SLC12A9: variants seen among roughly 807,000 people sequenced by gnomAD.
The protein encoded by SLC12A9 is solute carrier family 12 member 9.
In SLC12A9, 55 loss-of-function variants were observed where a neutral mutation model predicts 66.0. The ratio of observed to expected loss-of-function variants is 0.83; its 90% CI spans 0.67 to 1.04. SLC12A9 has a LOEUF of 1.04. Among genes scored for constraint, SLC12A9 ranks in the 50% least tolerant of loss-of-function variants. SLC12A9 has a pLI of 0.00. For missense variants in SLC12A9, 1,061 were observed against 1,241.9 expected (o/e 0.85, Z 2.19); for synonymous variants, 577 against 569.0 (o/e 1.01, Z -0.20).
At chr7:100,832,994 TTGAA>T (rs1813571789) in intron 1 of SLC12A9, among the ~76,000 whole-genome samples, 3 of 152,184 alleles carry the variant, frequency 2.0e-5, no homozygotes, top group Non-Finnish European at 4.4e-5. Flanking sequence ...CAGGCTGGTC[TTGAA>T]CTCTTGAGCT....
chr7:100,865,495 G>A (rs1562998077), intron 13 of SLC12A9: 9 of 1,531,882 alleles, frequency 5.9e-6, no homozygotes, highest in Admixed American at 2.0e-5. Flanking sequence ...TTTAAGTGGA[G>A]GAGATTAGTC....
At chr7:100,860,368 G>C (rs1814672519) in intron 9 of SLC12A9, 136 bp downstream of exon 9, 1 of 864,770 alleles carries the variant, frequency 1.2e-6, no homozygotes, top group Non-Finnish European at 1.8e-6. Context: ...ACTCTGCAGG[G>C]TTCACTGGCA....
intron 1 of SLC12A9, among the ~76,000 whole-genome samples, chr7:100,845,214 C>T (rs115173738): frequency 0.016 from 2,487 of 150,732 alleles, 72 homozygotes; most frequent in African/African-American, 0.058. Context: ...AGTTGCGGAC[C>T]GTTTAGGCCC....
At chr7:100,850,916 C>T (rs1047216931), upstream of SLC12A9, among the ~76,000 whole-genome samples, 5 of 151,992 alleles carry the variant, frequency 3.3e-5, no homozygotes, top group Admixed American at 2.0e-4. Context: ...GATGGGGTAT[C>T]ACCATGTTGG....
chr7:100,830,836 T>C (rs1813530268), intron 1 of SLC12A9, among the ~76,000 whole-genome samples: 1 of 152,044 alleles, frequency 6.6e-6, no homozygotes, highest in African/African-American at 2.4e-5. Flanking sequence ...TCACTTCAAT[T>C]CTCAGGAACC....
intron 1 of SLC12A9, among the ~76,000 whole-genome samples, chr7:100,830,653 A>G (rs1040136548): frequency 1.3e-5 from 2 of 151,984 alleles, no homozygotes; most frequent in Non-Finnish European, 2.9e-5. Flanking sequence ...CTGAGCATCT[A>G]CTACGTGCCG....
chr7:100,845,188 T>C (rs1813881613), intron 1 of SLC12A9, among the ~76,000 whole-genome samples: 1 of 150,860 alleles, frequency 6.6e-6, no homozygotes, highest in Admixed American at 6.7e-5. Context: ...GAAAAATCCA[T>C]TCACTAAATT....
intron 1 of SLC12A9, among the ~76,000 whole-genome samples, chr7:100,844,588 T>G (rs1041866247): frequency 6.6e-6 from 1 of 151,996 alleles, no homozygotes; most frequent in Non-Finnish European, 1.5e-5. Context: ...TAAATACTGG[T>G]CTTGTGTCAT....
At chr7:100,858,123 AT>A (rs1814507493) in intron 5 of SLC12A9, 1 of 151,900 alleles carries the variant, frequency 6.6e-6, no homozygotes, top group Admixed American at 6.6e-5. Context: ...TCTCAAAAAA[AT>A]AAATAGGCTG....
chr7:100,828,694 GGGCTGC>G (rs1315852501), intron 1 of SLC12A9, among the ~76,000 whole-genome samples: 1 of 152,136 alleles, frequency 6.6e-6, no homozygotes, highest in Non-Finnish European at 1.5e-5. Context: ...CCTGAGGCTG[GGGCTGC>G]GGCTGCGGCT....
At chr7:100,864,658 C>T (rs1027424430) in intron 13 of SLC12A9, among the ~76,000 whole-genome samples, 11 of 152,176 alleles carry the variant, frequency 7.2e-5, no homozygotes, top group Middle Eastern at 3.2e-3. Flanking sequence ...TGGCCTCTCA[C>T]GCTGGATGGA....
rs779923161 is a variant in SLC12A9, at chr7:100,866,367, G to A, written c.2507G>A (p.Ser836Asn). The A allele has an allele frequency of 2.0e-6, 3 of 1,515,860 alleles. No homozygotes were observed. The South Asian group carries it at 3.8e-5, about 19-fold the overall frequency. The allele number at this position is 1,515,860 out of a possible 1,614,324, so 93.9% of individuals were successfully genotyped here. Residue 836 changes from serine (S) to asparagine (N), a missense_variant, in exon 14 of 14, where the codon AGC becomes AAC. By Grantham distance (46) the Ser-to-Asn change is conservative. Coordinates refer to ENST00000354161, the MANE Select transcript of SLC12A9 (RefSeq NM_020246.4). This position sits in a 1 kb window ranked among gnomAD's most constrained non-coding sequence, Gnocchi z 7.3. ...GCAGAGGCAGAGGCCCTGGCACGCA[G>A]CGCCAACGCCCTGGTTCGGGCCCAG... Reference protein sequence around the residue: ...GDAEAEALARSANALVRAQQG... With the variant: ...GDAEAEALARNANALVRAQQG...
At chr7:100,865,279 C>T in intron 13 of SLC12A9, 1 of 1,535,714 alleles carries the variant, frequency 6.5e-7, no homozygotes. Flanking sequence ...TTCATCTTCC[C>T]ATTGCAGAGT....
chr7:100,833,932 C>CAAAAAAAAAAAA (rs60667059), intron 1 of SLC12A9, among the ~76,000 whole-genome samples: 9 of 63,070 alleles, frequency 1.4e-4, no homozygotes, highest in African/African-American at 7.2e-4. Context: ...GACTCTGTCT[C>CAAAAAAAAAAAA]AAAAAAAAAA....
intron 1 of SLC12A9, among the ~76,000 whole-genome samples, chr7:100,843,068 GC>G (rs1421222954): frequency 6.6e-6 from 1 of 152,248 alleles, no homozygotes; most frequent in Non-Finnish European, 1.5e-5. Flanking sequence ...TAATCAGTCA[GC>G]CCTTGTTCAT....
upstream of SLC12A9, among the ~76,000 whole-genome samples, chr7:100,851,510 G>A (rs1317435137): frequency 6.9e-6 from 1 of 145,410 alleles, no homozygotes; most frequent in East Asian, 2.1e-4. Flanking sequence ...TGCAACCTCT[G>A]CCTCCCAGGT....
chr7:100,837,358 G>C (rs1813681627), intron 1 of SLC12A9: 1 of 152,014 alleles, frequency 6.6e-6, no homozygotes, highest in South Asian at 2.1e-4. Flanking sequence ...ATGGTGGAGA[G>C]GACGACCCGC....
chr7:100,829,655 GT>G (rs747038050), intron 1 of SLC12A9, among the ~76,000 whole-genome samples: 22 of 151,994 alleles, frequency 1.4e-4, no homozygotes, highest in Non-Finnish European at 2.6e-4. Context: ...CTCCCTCGGG[GT>G]TCTCTGCAAC....
intron 1 of SLC12A9, among the ~76,000 whole-genome samples, chr7:100,840,669 T>C (rs314328): frequency 0.64 from 95,565 of 149,782 alleles, 30,472 homozygotes; most frequent in East Asian, 0.87. Flanking sequence ...GAGAAAGAAA[T>C]GCAGAGAGAG....
Sources: gnomAD v4.1 joint callset for allele counts (sites outside exome capture counted in the v4.1 genomes callset) on GRCh38, gnomAD v4.1.1 for gene constraint, Gnocchi (gnomAD v3.1) non-coding constraint, MANE v1.5 for transcripts, NCBI Gene and HGNC (gene_info 2026-07-23, HGNC 2026-07-21) for gene names.